Variants in LRRC63 observed in about 807,000 individuals in gnomAD.
LRRC63 encodes leucine-rich repeat-containing protein 63.
In LRRC63, 40 loss-of-function variants were observed where a neutral mutation model predicts 49.5. The observed-to-expected ratio is 0.81, with a 90% CI of 0.63 to 1.05. The LOEUF (loss-of-function observed/expected upper bound fraction) is 1.05, where lower values mean the gene tolerates loss of function less well. Ranked by LOEUF, LRRC63 falls within the 50% of genes least tolerant of loss-of-function variation. The pLI, the probability that LRRC63 is intolerant of heterozygous loss-of-function variation, is 0.00. For synonymous variants in LRRC63, 191 were observed against 221.1 expected, an observed-to-expected ratio of 0.86 and a Z score of 1.21; for missense variants, 636 against 663.1, an observed-to-expected ratio of 0.96 and a Z score of 0.45.
chr13:46,255,268 CAG>C (rs2047480982), intron 7 of LRRC63, among the ~76,000 whole-genome samples: 2 of 152,028 alleles, frequency 1.3e-5, no homozygotes, highest in East Asian at 1.9e-4. Flanking sequence ...TCAGGTATAG[CAG>C]AGAGGGGAGA....
At chr13:46,245,535 A>G (rs4313712) in intron 5 of LRRC63, among the ~76,000 whole-genome samples, 79,519 of 151,956 alleles carry the variant, frequency 0.52, 24,559 homozygotes, top group African/African-American at 0.85. Flanking sequence ...AATAGTCACA[A>G]TAAGATATCT....
chr13:46,223,033 G>A (rs1339820396), intron 2 of LRRC63, among the ~76,000 whole-genome samples: 1 of 139,114 alleles, frequency 7.2e-6, no homozygotes, highest in Admixed American at 7.7e-5. Context: ...GACACAGGAA[G>A]GGGAACATCA....
chr13:46,258,622 A>T (rs1158683071), intron 7 of LRRC63, among the ~76,000 whole-genome samples: 1 of 150,612 alleles, frequency 6.6e-6, no homozygotes, highest in African/African-American at 2.4e-5. Context: ...ATCCTGGCCA[A>T]CATGGTGAAA....
chr13:46,221,385 G>C (rs898729459), intron 2 of LRRC63, among the ~76,000 whole-genome samples: 4 of 152,136 alleles, frequency 2.6e-5, no homozygotes, highest in African/African-American at 9.7e-5. Context: ...GGAAAGTTAT[G>C]AGTCATCACA....
chr13:46,258,762 T>G (rs1374291136), intron 7 of LRRC63, among the ~76,000 whole-genome samples: 2 of 131,984 alleles, frequency 1.5e-5, no homozygotes, highest in Non-Finnish European at 3.1e-5. Context: ...TGAGCCAAGA[T>G]CACACCACTG....
intron 5 of LRRC63, 95 bp downstream of exon 5, chr13:46,234,444 G>C: frequency 8.3e-7 from 1 of 1,200,690 alleles, no homozygotes; most frequent in Middle Eastern, 2.0e-4. Context: ...TGGTATTGAG[G>C]GGAATTTTCC....
intron 2 of LRRC63, among the ~76,000 whole-genome samples, chr13:46,223,377 G>A (rs1469253779): frequency 6.6e-6 from 1 of 151,442 alleles, no homozygotes; most frequent in Non-Finnish European, 1.5e-5. Flanking sequence ...ACTCTTGGTT[G>A]TAACAAATTT....
chr13:46,276,828 G>GTGTGTATATATATATATATATATA (rs1175818781), exon 10 of LRRC63: 1 of 138,530 alleles, frequency 7.2e-6, no homozygotes, highest in African/African-American at 3.5e-5. Context: ...GTATGTGTGT[G>GTGTGTATATATATATATATATATA]TATATATATA....
chr13:46,266,848 T>G (rs896769452), exon 9 of LRRC63: 4 of 1,549,824 alleles, frequency 2.6e-6, no homozygotes, highest in Non-Finnish European at 3.5e-6. Context: ...TCCTTGTTTT[T>G]GGAGAGATAA....
rs151080636 is a variant in LRRC63 at position 46,259,697 on chromosome 13, T to G, written c.1227-2212T>G. Among the ~76,000 whole-genome samples, 183 of 152,346 alleles carry G rather than the reference T, an allele frequency of 1.2e-3. 6 individuals carry two copies. The East Asian group carries it at 0.031, about 26-fold the overall frequency. On this transcript the variant is annotated intron_variant, in intron 7 of 9. Transcript: ENST00000595396. Reference sequence around the variant, plus strand: ...TATCTGATGAAAAGGGATAGCTACATTTTATTTCATACCAAATTGGATACA... The same window carrying G: ...TATCTGATGAAAAGGGATAGCTACAGTTTATTTCATACCAAATTGGATACA...
chr13:46,219,434 G>C (rs188387029), intron 2 of LRRC63, among the ~76,000 whole-genome samples: 9 of 152,270 alleles, frequency 5.9e-5, no homozygotes, highest in Admixed American at 5.9e-4. Context: ...TTCTTGTGCT[G>C]TGATTTTCAG....
intron 5 of LRRC63, among the ~76,000 whole-genome samples, chr13:46,242,769 A>AC (rs953368895): frequency 6.6e-6 from 1 of 151,892 alleles, no homozygotes; most frequent in East Asian, 1.9e-4. Flanking sequence ...AAGAAAAAAA[A>AC]AAAACAAAAA....
At chr13:46,225,007 G>C (rs1002977162) in intron 2 of LRRC63, among the ~76,000 whole-genome samples, 1 of 152,202 alleles carries the variant, frequency 6.6e-6, no homozygotes, top group Non-Finnish European at 1.5e-5. Flanking sequence ...AGTTACTGGT[G>C]GGCCGGTTCC....
chr13:46,270,335 T>C (rs2047739196), intron 9 of LRRC63: 1 of 859,832 alleles, frequency 1.2e-6, no homozygotes, highest in African/African-American at 1.7e-5. Flanking sequence ...GAAATTTAAG[T>C]GGGGGGCACA....
At chr13:46,250,459 T>G (rs1298151983) in exon 7 of LRRC63, 6 of 1,536,500 alleles carry the variant, frequency 3.9e-6, no homozygotes, top group Admixed American at 2.0e-5. Context: ...TTTTCACCAT[T>G]GCTTTTAATT....
At chr13:46,248,856 G>A (rs143683590) in intron 6 of LRRC63, among the ~76,000 whole-genome samples, 2,317 of 151,900 alleles carry the variant, frequency 0.015, 75 homozygotes, top group African/African-American at 0.052. Context: ...TTGAGTTCAT[G>A]TAGAACATTT....
intron 8 of LRRC63, among the ~76,000 whole-genome samples, chr13:46,266,126 C>T (rs1409873956): frequency 1.3e-5 from 2 of 152,064 alleles, no homozygotes; most frequent in South Asian, 2.1e-4. Context: ...GACTCTTTTC[C>T]GTCTGCTTCT....
intron 9 of LRRC63, among the ~76,000 whole-genome samples, chr13:46,271,204 C>T (rs554418403): frequency 3.9e-5 from 6 of 152,296 alleles, no homozygotes; most frequent in Admixed American, 2.0e-4. Context: ...ACCGATCCCC[C>T]ATGTAAACCA....
At chr13:46,250,282 A>T in intron 6 of LRRC63, 73 bp from the exon 7 acceptor site, 1 of 1,270,856 alleles carries the variant, frequency 7.9e-7, no homozygotes, top group East Asian at 2.6e-5. Context: ...CAGAGAGTTT[A>T]TAAAAGGTAA....
Sources: allele counts gnomAD v4.1 joint callset (sites outside exome capture counted in the v4.1 genomes callset), GRCh38; gene constraint gnomAD v4.1.1; transcripts MANE v1.5; gene names NCBI Gene and HGNC (gene_info 2026-07-23, HGNC 2026-07-21).